Variants in IL13RA1 observed in about 807,000 individuals in gnomAD.
IL13RA1 encodes the protein interleukin-13 receptor subunit alpha-1.
Under a neutral mutation model 33.8 loss-of-function variants are expected in IL13RA1, and 14 were observed. The ratio of observed to expected loss-of-function variants is 0.41; its 90% CI spans 0.27 to 0.65. The LOEUF is 0.65. Among genes scored for constraint, IL13RA1 ranks in the 30% least tolerant of loss-of-function variants. The probability of loss-of-function intolerance (pLI) is 0.28; values close to 1 mark genes in which losing one functional copy is unlikely to be tolerated. For synonymous variants in IL13RA1, 116 were observed against 115.7 expected (o/e 1.00, Z -0.02); for missense variants, 313 against 327.0 (o/e 0.96, Z 0.33).
intron 10 of IL13RA1, among the ~76,000 whole-genome samples, chrX:118,778,259 G>C (rs981748051): frequency 1.1e-4 from 12 of 111,598 alleles, no homozygotes; most frequent in Non-Finnish European, 1.3e-4. Flanking sequence ...GATGATATTT[G>C]GTTAGGGAAG....
chrX:118,742,818 TG>T (rs1278706399), intron 2 of IL13RA1, among the ~76,000 whole-genome samples: 1 of 111,364 alleles, frequency 9.0e-6, no homozygotes, highest in Non-Finnish European at 1.9e-5. Context: ...AGATGAGGTT[TG>T]TAATGCACCT....
chrX:118,804,995 C>T, the IL13RA1 span, among the ~76,000 whole-genome samples: 5 of 112,170 alleles, frequency 4.5e-5, no homozygotes, highest in Non-Finnish European at 3.8e-5. Flanking sequence ...TCACCACATC[C>T]GGACAGTGAG....
intron 5 of IL13RA1, among the ~76,000 whole-genome samples, chrX:118,760,282 G>C (rs2017577294): frequency 8.9e-6 from 1 of 111,818 alleles, no homozygotes; most frequent in South Asian, 3.7e-4. Context: ...TCATAGGAGT[G>C]GATTCATACA....
At chrX:118,733,315 T>C (rs945326806) in intron 1 of IL13RA1, among the ~76,000 whole-genome samples, 1 of 112,216 alleles carries the variant, frequency 8.9e-6, no homozygotes, top group Non-Finnish European at 1.9e-5. Flanking sequence ...TTTCTGTTTT[T>C]TGATAGTAGC....
rs779248070 is a variant in IL13RA1 at position 118,740,956 on chromosome X, T to G, written c.89-61T>G. The stretch of plus-strand genomic sequence containing the variant: ...CTTGTCCTCTAGGACTTGGGAGAAT[T>G]AAGCAAACCATTAAAAATACTGTTG... On this transcript the variant is annotated intron_variant, in intron 1 of 10. Transcript: ENST00000371666. 4.9e-5 allele frequency: 38 copies of G among 769,997 alleles called. No individual in the cohort carries two copies. In the African/African-American group the frequency reaches 5.5e-4, roughly 11 times the overall value. The allele number at this position is 769,997 out of a possible 1,213,427, so 63.5% of individuals were successfully genotyped here.
At chrX:118,789,897 A>T (rs2017958398) in intron 10 of IL13RA1, among the ~76,000 whole-genome samples, 1 of 111,049 alleles carries the variant, frequency 9.0e-6, no homozygotes. Context: ...CACTTGTCTT[A>T]GTGTCATTTA....
At chrX:118,753,393 TGGTA>T (rs1201750468) in intron 4 of IL13RA1, among the ~76,000 whole-genome samples, 2 of 112,906 alleles carry the variant, frequency 1.8e-5, no homozygotes, top group Admixed American at 1.9e-4. Context: ...TGAGAGCAGA[TGGTA>T]CTTGGGCTGG....
chrX:118,745,237 A>C (rs1167422194), intron 2 of IL13RA1, among the ~76,000 whole-genome samples: 1 of 111,967 alleles, frequency 8.9e-6, no homozygotes, highest in Non-Finnish European at 1.9e-5. Context: ...TGGGAAGCCA[A>C]ATGTTAAGTA....
At chrX:118,800,443 C>T in the IL13RA1 span, among the ~76,000 whole-genome samples, 2 of 110,439 alleles carry the variant, frequency 1.8e-5, no homozygotes, top group African/African-American at 6.6e-5. Context: ...TCCAGACGCG[C>T]TACCTTAAGA....
chrX:118,796,788 G>T (rs893312286), downstream of IL13RA1, among the ~76,000 whole-genome samples: 2 of 112,394 alleles, frequency 1.8e-5, no homozygotes, highest in Non-Finnish European at 3.8e-5. Context: ...CGCCCGCCTC[G>T]GCCTCCCAAA....
At chrX:118,776,829 C>T (rs911866952) in intron 10 of IL13RA1, among the ~76,000 whole-genome samples, 5 of 107,699 alleles carry the variant, frequency 4.6e-5, no homozygotes, top group Non-Finnish European at 9.6e-5. Context: ...CCGGGTGCAG[C>T]GGCATGCACC....
intron 5 of IL13RA1, among the ~76,000 whole-genome samples, chrX:118,758,495 A>T (rs1267594652): frequency 8.9e-6 from 1 of 112,256 alleles, no homozygotes; most frequent in Admixed American, 9.4e-5. Flanking sequence ...TTAGTTGTAG[A>T]ACCAACATTG....
intron 1 of IL13RA1, among the ~76,000 whole-genome samples, chrX:118,739,703 A>G (rs2017321633): frequency 1.8e-5 from 2 of 111,424 alleles, no homozygotes; most frequent in Admixed American, 9.6e-5. Flanking sequence ...AGGAAAGTTT[A>G]AAATGATGTT....
chrX:118,756,272 C>G (rs2017529135), intron 4 of IL13RA1, among the ~76,000 whole-genome samples: 1 of 111,263 alleles, frequency 9.0e-6, no homozygotes, highest in African/African-American at 3.3e-5. Flanking sequence ...TGATGTAAGA[C>G]TTGACTCTGT....
chrX:118,747,018 TG>T lies in IL13RA1; in HGVS notation c.297del (p.Ser100ProfsTer30). 1 of 1,156,424 alleles carries T rather than the reference TG, an allele frequency of 8.6e-7. No individual in the cohort carries two copies. The highest frequency in any genetic ancestry group is 1.2e-6 in the Non-Finnish European group (1 of 845,405). On this transcript the variant is annotated frameshift_variant, in exon 3 of 11. Coordinates refer to ENST00000371666, the MANE Select transcript of IL13RA1 (RefSeq NM_001560.3). LOFTEE classifies it high-confidence loss of function. The stretch of plus-strand genomic sequence containing the variant: ...CTGAATGAGAGGATTTGTCTGCAAG[TG>T]GGGTCCCAGTGTAGCACCAATGAGA... ...VPLNERICLQVGSQCSTNESE... is the reference protein window; with the variant it reads ...VPLNERICLQXGSQCSTNESE...
Position 118,727,638 on chromosome X carries a change from C to T in IL13RA1, c.-1C>T, listed in dbSNP as rs2017167456. On this transcript the variant is annotated 5_prime_UTR_variant, in exon 1 of 11. Transcript: ENST00000371666. Reference sequence around the variant, plus strand: ...GGCCGGGCTCCGAGGCGAGAGGCTGCATGGAGTGGCCGGCGCGGCTCTGCG... The same window carrying T: ...GGCCGGGCTCCGAGGCGAGAGGCTGTATGGAGTGGCCGGCGCGGCTCTGCG... 7 of 921,533 alleles carry T rather than the reference C, an allele frequency of 7.6e-6. No homozygotes were observed. The highest frequency in any genetic ancestry group is 8.1e-6 in the Non-Finnish European group (6 of 742,938). The allele number at this position is 921,533 out of a possible 1,213,427, so 75.9% of individuals were successfully genotyped here.
chrX:118,794,344 C>T lies in IL13RA1; in HGVS notation c.*2490C>T, dbSNP rs1246095853. The T allele has an allele frequency of 1.8e-5, 2 of 112,079 alleles. No individual in the cohort carries two copies. The highest frequency in any genetic ancestry group is 3.8e-5 in the Non-Finnish European group (2 of 53,151). The allele number at this position is 112,079 out of a possible 1,213,427, so 9.2% of individuals were successfully genotyped here. A position where few individuals can be genotyped will look rare whatever the true frequency, so the allele number is the denominator to read the frequency against. ...CCTATGTGGATTTTTTCCTAACATA[C>T]CTAAGCAAACCCAGTGTCAGGATGG... On this transcript the variant is annotated 3_prime_UTR_variant, in exon 11 of 11. Coordinates refer to ENST00000371666, the MANE Select transcript of IL13RA1 (RefSeq NM_001560.3).
At chrX:118,765,793 C>T (rs1386030848) in intron 6 of IL13RA1, among the ~76,000 whole-genome samples, 1 of 112,416 alleles carries the variant, frequency 8.9e-6, no homozygotes, top group East Asian at 2.8e-4. Flanking sequence ...TGCTTCATAT[C>T]CTCACAACAC....
the IL13RA1 span, among the ~76,000 whole-genome samples, chrX:118,803,201 A>G: frequency 8.9e-6 from 1 of 112,317 alleles, no homozygotes. Flanking sequence ...GATAAAATTC[A>G]TATTACAAGG....
Sources: allele counts gnomAD v4.1 joint callset (sites outside exome capture counted in the v4.1 genomes callset), GRCh38; gene constraint gnomAD v4.1.1; transcripts MANE v1.5; gene names NCBI Gene and HGNC (gene_info 2026-07-23, HGNC 2026-07-21).